The following GABRB2 variants were observed in gnomAD, a reference collection of about 807,000 sequenced individuals.
GABRB2 encodes gamma-aminobutyric acid receptor subunit beta-2.
In GABRB2, 16 loss-of-function variants were observed where a neutral mutation model predicts 54.7. The ratio of observed to expected loss-of-function variants is 0.29; its 90% CI spans 0.20 to 0.44. The LOEUF (loss-of-function observed/expected upper bound fraction) is 0.44, where lower values mean the gene tolerates loss of function less well. Among genes scored for constraint, GABRB2 ranks in the 20% least tolerant of loss-of-function variants. The pLI, the probability that GABRB2 is intolerant of heterozygous loss-of-function variation, is 1.00. For missense variants in GABRB2, 355 were observed against 644.0 expected, an observed-to-expected ratio of 0.55 and a Z score of 4.86; for synonymous variants, 244 against 233.8, an observed-to-expected ratio of 1.04 and a Z score of -0.40.
chr5:161,354,213 T>C (rs1299950036), intron 5 of GABRB2, among the ~76,000 whole-genome samples: 1 of 151,974 alleles, frequency 6.6e-6, no homozygotes, highest in Non-Finnish European at 1.5e-5. Context: ...GGAGCCTACA[T>C]ATTTAATAAA....
intron 3 of GABRB2, among the ~76,000 whole-genome samples, chr5:161,489,232 A>G (rs527818045): frequency 2.0e-5 from 3 of 151,806 alleles, no homozygotes; most frequent in South Asian, 2.1e-4. Flanking sequence ...TTTTGTAGTA[A>G]TATGAGCACA....
intron 3 of GABRB2, among the ~76,000 whole-genome samples, chr5:161,497,917 G>C (rs973041397): frequency 4.6e-5 from 7 of 152,178 alleles, no homozygotes; most frequent in African/African-American, 1.7e-4. Flanking sequence ...ATCTCTTTGA[G>C]TAAAAATTTC....
intron 4 of GABRB2, 145 bp downstream of exon 4, chr5:161,459,479 C>T: frequency 1.4e-6 from 1 of 700,036 alleles, no homozygotes; most frequent in Non-Finnish European, 2.5e-6. Context: ...ACCTTAAGCT[C>T]TCAAATGTCT....
At chr5:161,297,202 C>T (rs1305460296) in intron 9 of GABRB2, among the ~76,000 whole-genome samples, 2 of 152,070 alleles carry the variant, frequency 1.3e-5, no homozygotes, top group Non-Finnish European at 2.9e-5. Context: ...TATTGAACAC[C>T]TGTATCAATT....
intron 3 of GABRB2, among the ~76,000 whole-genome samples, chr5:161,535,127 C>T (rs975562325): frequency 6.6e-6 from 1 of 152,038 alleles, no homozygotes; most frequent in African/African-American, 2.4e-5. Flanking sequence ...AAATGGTACC[C>T]ATTCACAATG....
chr5:161,526,330 T>A (rs901815712), intron 3 of GABRB2, among the ~76,000 whole-genome samples: 1 of 151,358 alleles, frequency 6.6e-6, no homozygotes, highest in Non-Finnish European at 1.5e-5. Context: ...TGATCAAGCC[T>A]CTGAATGTAA....
chr5:161,443,054 T>G (rs1025529707), intron 4 of GABRB2, among the ~76,000 whole-genome samples: 2 of 152,262 alleles, frequency 1.3e-5, no homozygotes, highest in South Asian at 2.1e-4. Flanking sequence ...CTCCTGAACA[T>G]AAAATTGTGT....
intron 4 of GABRB2, among the ~76,000 whole-genome samples, chr5:161,415,498 T>C (rs535083824): frequency 2.0e-5 from 3 of 152,268 alleles, no homozygotes; most frequent in Non-Finnish European, 4.4e-5. Flanking sequence ...AATCAAGAAA[T>C]GCAACAAGTA....
chr5:161,530,202 C>T (rs181303581), intron 3 of GABRB2, among the ~76,000 whole-genome samples: 63 of 152,172 alleles, frequency 4.1e-4, no homozygotes, highest in Non-Finnish European at 4.4e-5. Flanking sequence ...TAAGGGAGAA[C>T]ATGAACAATT....
At chr5:161,425,603 G>T (rs1756975952) in intron 4 of GABRB2, among the ~76,000 whole-genome samples, 1 of 151,950 alleles carries the variant, frequency 6.6e-6, no homozygotes, top group African/African-American at 2.4e-5. Context: ...TTGTGCATTG[G>T]GAAACAAAAA....
chr5:161,413,662 A>G (rs1756584644), intron 4 of GABRB2, among the ~76,000 whole-genome samples: 1 of 152,232 alleles, frequency 6.6e-6, no homozygotes, highest in East Asian at 1.9e-4. Context: ...AATTAGGTAC[A>G]TGATGGGCAT....
At chr5:161,517,652 T>C (rs906512583) in intron 3 of GABRB2, among the ~76,000 whole-genome samples, 1 of 152,216 alleles carries the variant, frequency 6.6e-6, no homozygotes, top group Non-Finnish European at 1.5e-5. Context: ...CCGCCTGCAT[T>C]ACTGCATCAT....
At chr5:161,384,782 A>G (rs1355113023) in intron 5 of GABRB2, among the ~76,000 whole-genome samples, 2 of 152,128 alleles carry the variant, frequency 1.3e-5, no homozygotes, top group African/African-American at 2.4e-5. Flanking sequence ...TACTAGGTGA[A>G]CCCAACAGAT....
chr5:161,537,329 C>G (rs1204113330), intron 3 of GABRB2, among the ~76,000 whole-genome samples: 2 of 152,174 alleles, frequency 1.3e-5, no homozygotes, highest in Non-Finnish European at 2.9e-5. Context: ...CTCTATATAA[C>G]TGCTTCCTAA....
chr5:161,531,684 C>A (rs897681267), intron 3 of GABRB2, among the ~76,000 whole-genome samples: 2 of 151,488 alleles, frequency 1.3e-5, no homozygotes, highest in African/African-American at 2.4e-5. Flanking sequence ...AGAACAAAAC[C>A]AACTGTAATC....
chr5:161,484,540 C>G (rs1206331265), intron 3 of GABRB2, among the ~76,000 whole-genome samples: 1 of 151,950 alleles, frequency 6.6e-6, no homozygotes, highest in African/African-American at 2.4e-5. Flanking sequence ...ATCCTCCCAC[C>G]CTATTCCTCT....
At chr5:161,509,171 C>G (rs1490029530) in intron 3 of GABRB2, among the ~76,000 whole-genome samples, 1 of 151,910 alleles carries the variant, frequency 6.6e-6, no homozygotes, top group African/African-American at 2.4e-5. Context: ...ATTAAAGCAT[C>G]CCAACAACCA....
intron 3 of GABRB2, among the ~76,000 whole-genome samples, chr5:161,518,282 C>T (rs571202646): frequency 6.6e-6 from 1 of 151,946 alleles, no homozygotes; most frequent in Non-Finnish European, 1.5e-5. Context: ...TTTCAGAAAC[C>T]CTGAGCTAGA....
In GABRB2 at chr5:161,289,630, A is replaced by G. The variant is rs1757181874; in HGVS notation, c.*4451T>C. On this transcript the variant is annotated 3_prime_UTR_variant, in exon 10 of 10. Transcript: ENST00000393959. ...ACTTTGGTTTCTTGAACTCTGACAT[A>G]TAAAAAAGTCTATTAAGTTATCAAT... 6.6e-6 allele frequency: 1 copy of G among 152,150 alleles called. No homozygotes were observed. The highest frequency in any genetic ancestry group is 2.4e-5 in the African/African-American group (1 of 41,426). 9.4% of individuals were successfully genotyped at this position (152,150 alleles called of 1,614,324 possible). A position where few individuals can be genotyped will look rare whatever the true frequency, so the allele number is the denominator to read the frequency against.
Sources: allele counts gnomAD v4.1 joint callset (sites outside exome capture counted in the v4.1 genomes callset), GRCh38; gene constraint gnomAD v4.1.1; transcripts MANE v1.5; gene names NCBI Gene and HGNC (gene_info 2026-07-23, HGNC 2026-07-21).